SCRIB: variants seen among roughly 807,000 people sequenced by gnomAD.
SCRIB encodes the protein scribble planar cell polarity protein, also known as protein scribble homolog.
In SCRIB, 72 loss-of-function variants were observed where a neutral mutation model predicts 170.0. The ratio of observed to expected loss-of-function variants is 0.42; its 90% CI spans 0.35 to 0.52. The LOEUF is 0.52. Among genes scored for constraint, SCRIB ranks in the 20% least tolerant of loss-of-function variants. SCRIB has a pLI of 0.02. For missense variants in SCRIB, 2,475 were observed against 2,338.5 expected (o/e 1.06, Z -1.20); for synonymous variants, 1,298 against 1,044.3 (o/e 1.24, Z -4.68).
intron 27 of SCRIB, 54 bp downstream of exon 27, chr8:143,794,984 C>T (rs181136809): frequency 2.1e-5 from 32 of 1,548,636 alleles, no homozygotes; most frequent in Middle Eastern, 4.6e-4. Flanking sequence ...CTGGGGTGGC[C>T]GATGAACAGG....
intron 18 of SCRIB, 31 bp downstream of exon 18, chr8:143,806,376 G>T: frequency 6.4e-7 from 1 of 1,554,622 alleles, no homozygotes; most frequent in Non-Finnish European, 8.8e-7. Flanking sequence ...GGGCACAGCT[G>T]CCACTCGGGG....
intron 15 of SCRIB, 70 bp from the exon 16 acceptor site, chr8:143,807,684 C>T (rs1815491407): frequency 1.7e-5 from 20 of 1,208,462 alleles, no homozygotes; most frequent in South Asian, 3.6e-5. Flanking sequence ...CCTCACCCAG[C>T]CCCCGCCACA....
intron 35 of SCRIB, 111 bp downstream of exon 35, chr8:143,791,555 G>C: frequency 6.4e-7 from 1 of 1,560,704 alleles, no homozygotes; most frequent in Non-Finnish European, 8.8e-7. Flanking sequence ...GGGGAGGGGG[G>C]GTGAAGAGGC....
chr8:143,810,394 C>T, intron 13 of SCRIB, 85 bp downstream of exon 13: 2 of 1,546,838 alleles, frequency 1.3e-6, no homozygotes, highest in East Asian at 2.3e-5. Flanking sequence ...CTGCCCTGGC[C>T]CTCACAGCCC....
chr8:143,793,744 C>T (rs1461572367), intron 28 of SCRIB, among the ~76,000 whole-genome samples, 156 bp downstream of exon 28: 2 of 152,132 alleles, frequency 1.3e-5, no homozygotes, highest in Non-Finnish European at 2.9e-5. Flanking sequence ...CTTCCTCACA[C>T]AGGAGGCCCC....
intron 34 of SCRIB, 48 bp downstream of exon 34, chr8:143,791,828 C>CT (rs782206830): frequency 1.3e-6 from 2 of 1,506,032 alleles, no homozygotes; most frequent in East Asian, 2.4e-5. Flanking sequence ...CCAGACCCCA[C>CT]CCCCATGCCT....
chr8:143,795,797 A>G (rs931794531), intron 24 of SCRIB, among the ~76,000 whole-genome samples: 5 of 152,226 alleles, frequency 3.3e-5, no homozygotes, highest in African/African-American at 1.2e-4. Flanking sequence ...AAGACTGTGA[A>G]GTAGCATGAT....
Position 143,803,915 on chromosome 8 carries a change from C to A in SCRIB, c.3146G>T (p.Arg1049Leu), listed in dbSNP as rs571756559. Residue 1049 changes from arginine to leucine, a missense_variant, in exon 23 of 37, where the codon CGC (arginine) becomes CTC (leucine). Physicochemically the swap from Arg to Leu is moderately radical, Grantham distance 102. Coordinates refer to ENST00000356994, the MANE Select transcript of SCRIB (RefSeq NM_182706.5). ...SKVLPRGLAA[R>L]SGLRVGDRIL... ...GCGGTCCCCAACCCGCAGGCCGCTG[C>A]GAGCGGCCAGGCCCCGCGGGAGCAC... 6 of 1,588,368 alleles carry A rather than the reference C, an allele frequency of 3.8e-6. No individual in the cohort carries two copies. In the African/African-American group the frequency reaches 5.4e-5, roughly 14 times the overall value.
At chr8:143,801,715 A>C (rs528574567) in intron 24 of SCRIB, among the ~76,000 whole-genome samples, 1 of 152,312 alleles carries the variant, frequency 6.6e-6, no homozygotes, top group African/African-American at 2.4e-5. Context: ...AAGAGGTAGC[A>C]GTGACGGGGA....
At position 143,803,439 on chromosome 8, in the gene SCRIB, T is replaced by A. The variant is rs2130066071; in HGVS notation, c.3547A>T (p.Thr1183Ser). 1 of 1,596,426 alleles carries A rather than the reference T, an allele frequency of 6.3e-7. No homozygotes were observed. The highest frequency in any genetic ancestry group is 8.5e-7 in the Non-Finnish European group (1 of 1,177,618). ...CCGTCACAGACCAGCACGGTGAGGG[T>A]GTCGCCCACACTGCGGAGCAGCTGC... is the stretch of plus-strand genomic sequence containing the variant. Reference protein sequence around the residue: ...AVQLLRSVGDTLTVLVCDGFE... With the variant: ...AVQLLRSVGDSLTVLVCDGFE... The change falls in exon 24 of 37, where the codon ACC becomes TCC. Residue 1183 changes from threonine to serine, a missense_variant. Physicochemically the swap from Thr to Ser is moderately conservative, Grantham distance 58. Coordinates refer to ENST00000356994, the MANE Select transcript of SCRIB (RefSeq NM_182706.5).
At chr8:143,791,790 G>A (rs565336651) in intron 34 of SCRIB, 50 bp from the exon 35 acceptor site, 3 of 1,486,672 alleles carry the variant, frequency 2.0e-6, no homozygotes, top group Middle Eastern at 1.7e-4. Context: ...GGAAAGGGGG[G>A]GATGAGGGCC....
chr8:143,809,959 A>C (rs1466884482), intron 13 of SCRIB, among the ~76,000 whole-genome samples: 1 of 152,166 alleles, frequency 6.6e-6, no homozygotes, highest in Admixed American at 6.5e-5. Context: ...AGCCTTTCCT[A>C]AAACAAACAA....
Position 143,792,050 on chromosome 8 carries a change from AG to A in SCRIB, c.4597del (p.Leu1533TrpfsTer66). Reference sequence around the variant, plus strand: ...GGAAGGGGCCTCGGCCAGTCGCTCCAGGGGCCCCCGCGTGCCCCGGCCTTCC... The same window carrying A: ...GGAAGGGGCCTCGGCCAGTCGCTCCAGGGCCCCCGCGTGCCCCGGCCTTCC... Reference protein sequence around the residue: ...SQEGRGTRGPLERLAEAPSPA... With the variant: ...SQEGRGTRGPXERLAEAPSPA... On this transcript the variant is annotated frameshift_variant, in exon 33 of 37. Coordinates refer to ENST00000356994, the MANE Select transcript of SCRIB (RefSeq NM_182706.5). LOFTEE classifies it high-confidence loss of function. 1 of 1,585,784 alleles carries A rather than the reference AG, an allele frequency of 6.3e-7. No individual in the cohort carries two copies. The highest frequency in any genetic ancestry group is 8.5e-7 in the Non-Finnish European group (1 of 1,170,770).
Position 143,812,356 on chromosome 8 carries a change from C to T in SCRIB, c.816G>A (p.Lys272=), listed in dbSNP as rs1815774033. ...IGQLKQLSIL[K]VDQNRLCEVT... is the part of the protein sequence containing the mutation. ...CCTCGCACAGCCGATTCTGGTCTAC[C>T]TTTAGGATGGATAGCTGCTTCAGCT... Residue 272 remains lysine, a synonymous_variant, in exon 9 of 37, where the codon AAG becomes AAA. Transcript: ENST00000356994. 12 of 1,613,554 alleles carry T rather than the reference C, an allele frequency of 7.4e-6. No homozygotes were observed. The highest frequency in any genetic ancestry group is 1.3e-5 in the African/African-American group (1 of 74,932).
intron 24 of SCRIB, among the ~76,000 whole-genome samples, chr8:143,797,591 G>C (rs534157198): frequency 6.6e-6 from 1 of 152,372 alleles, no homozygotes; most frequent in East Asian, 1.9e-4. Context: ...CCACGGTTCA[G>C]AGCATCACCA....
chr8:143,794,599 A>C (rs11993154), intron 27 of SCRIB, among the ~76,000 whole-genome samples: 62,453 of 151,796 alleles, frequency 0.41, 15,950 homozygotes, highest in Non-Finnish European at 0.57. Context: ...TGTATCTCTA[A>C]GGGGAGGGAT....
In SCRIB at chr8:143,808,696, C is replaced by A. The variant is rs748379083; in HGVS notation, c.2028G>T (p.Glu676Asp). The stretch of plus-strand genomic sequence containing the variant: ...CCTCTTCAGCCCTGTTTTCCTCCTC[C>A]TCCTCTTCCTCCTCCTCCTGAGGAC... ...EGSPQEEEEE[E>D]EEENRAEEEE... is the part of the protein sequence containing the mutation. Residue 676 changes from glutamate (E) to aspartate (D), a missense_variant, in exon 15 of 37, where the codon GAG becomes GAT. Glu to Asp is a conservative substitution (Grantham distance 45). Around this residue, in one of 3 missense-constraint regions of SCRIB, gnomAD observed 1,966 missense variants for 1,742.9 expected, o/e 1.13. Transcript: ENST00000356994. 12 of 1,551,374 alleles carry A rather than the reference C, an allele frequency of 7.7e-6. No individual in the cohort carries two copies. The East Asian group carries it at 2.7e-4, about 35-fold the overall frequency.
At chr8:143,799,191 G>A (rs111965061) in intron 24 of SCRIB, among the ~76,000 whole-genome samples, 19 of 152,316 alleles carry the variant, frequency 1.2e-4, no homozygotes, top group Non-Finnish European at 2.4e-4. Flanking sequence ...GACAGAAACA[G>A]AGCTAGTGAT....
chr8:143,798,281 TAA>T (rs1815027172), intron 24 of SCRIB, among the ~76,000 whole-genome samples: 1 of 152,128 alleles, frequency 6.6e-6, no homozygotes, highest in Non-Finnish European at 1.5e-5. Flanking sequence ...AACAGATTTT[TAA>T]AAAGTTACCC....
Sources: allele counts gnomAD v4.1 joint callset (sites outside exome capture counted in the v4.1 genomes callset), GRCh38; gene constraint gnomAD v4.1.1; regional missense constraint gnomAD v4.1.1; transcripts MANE v1.5; gene names NCBI Gene and HGNC (gene_info 2026-07-23, HGNC 2026-07-21).